FLRT3: variants seen among roughly 807,000 people sequenced by gnomAD.
The protein encoded by FLRT3 is fibronectin leucine rich transmembrane protein 3, also known as leucine-rich repeat transmembrane protein FLRT3.
Under a neutral mutation model 42.6 loss-of-function variants are expected in FLRT3, and 17 were observed. That is an observed-to-expected ratio of 0.40 (90% CI 0.27 to 0.60). The LOEUF is 0.60. Among genes scored for constraint, FLRT3 ranks in the 20% least tolerant of loss-of-function variants. FLRT3 has a pLI of 0.44. For synonymous variants in FLRT3, 279 were observed against 286.4 expected, an observed-to-expected ratio of 0.97 and a Z score of 0.26; for missense variants, 635 against 789.2, an observed-to-expected ratio of 0.80 and a Z score of 2.34.
rs1001761845 is a variant in FLRT3 at position 14,326,695 on chromosome 20, C to T, written c.812G>A (p.Arg271Lys). ...GGACATATCCAGTCGATAGAGCTGC[C>T]TTAGATAAGAAAAAGCATTTGGGGG... is the stretch of plus-strand genomic sequence containing the variant. ...RVPPNAFSYL[R>K]QLYRLDMSNN... Residue 271 changes from arginine (R) to lysine (K), a missense_variant, in exon 3 of 3, where the codon AGG (arginine) becomes AAG (lysine). Arg to Lys is a conservative substitution (Grantham distance 26). Coordinates refer to ENST00000341420, the MANE Select transcript of FLRT3 (RefSeq NM_198391.3). This position sits in a 1 kb window ranked among gnomAD's most constrained non-coding sequence, Gnocchi z 5.5. The T allele has an allele frequency of 2.5e-6, 4 of 1,613,586 alleles. No individual in the cohort carries two copies. The highest frequency in any genetic ancestry group is 3.4e-6 in the Non-Finnish European group (4 of 1,179,826).
chr20:14,336,835 T>C (rs972830107), intron 1 of FLRT3, among the ~76,000 whole-genome samples: 1 of 152,192 alleles, frequency 6.6e-6, no homozygotes. Flanking sequence ...CTGAAATGCT[T>C]GAAGCAGCTC....
Position 14,337,528 on chromosome 20 carries a change from C to T in FLRT3, c.-371G>A, listed in dbSNP as rs1391664699. On this transcript the variant is annotated 5_prime_UTR_variant, in exon 1 of 3. In the 5' UTR this introduces an upstream ATG that the reference lacks. Coordinates refer to ENST00000341420, the MANE Select transcript of FLRT3 (RefSeq NM_198391.3). ...CTGCGTCCAGTCCACACAAAGCCCA[C>T]GGCAGCTGCAGGCTGAGCTTGTCCT... is the stretch of plus-strand genomic sequence containing the variant. 14 of 398,488 alleles carry T rather than the reference C, an allele frequency of 3.5e-5. No individual in the cohort carries two copies. The highest frequency in any genetic ancestry group is 5.7e-5 in the Non-Finnish European group (13 of 226,110). The allele number at this position is 398,488 out of a possible 1,614,324, so 24.7% of individuals were successfully genotyped here.
intron 1 of FLRT3, 93 bp downstream of exon 1, chr20:14,337,311 G>A (rs538201384): frequency 1.0e-4 from 32 of 310,136 alleles, no homozygotes; most frequent in African/African-American, 6.0e-4. Context: ...TTCCTATTTG[G>A]ATTTCTCATA....
chr20:14,331,538 T>C (rs1361386458), intron 1 of FLRT3, among the ~76,000 whole-genome samples: 1 of 152,060 alleles, frequency 6.6e-6, no homozygotes, highest in Non-Finnish European at 1.5e-5. Flanking sequence ...GGCAAAAACA[T>C]AAAACAGGTT....
chr20:14,333,448 T>C (rs1397924914), intron 1 of FLRT3, among the ~76,000 whole-genome samples: 1 of 152,082 alleles, frequency 6.6e-6, no homozygotes, highest in Non-Finnish European at 1.5e-5. Context: ...CCAAAGTAAA[T>C]GAATTAGAGA....
rs1345083050 is a variant in FLRT3, at chr20:14,325,865, C to G, written c.1642G>C (p.Val548Leu). Residue 548 changes from valine to leucine, a missense_variant, in exon 3 of 3, where the codon GTG becomes CTG. Coordinates refer to ENST00000341420, the MANE Select transcript of FLRT3 (RefSeq NM_198391.3). ...CCATTCCTATGAACATACCAACACA[C>G]TAAAGCAAGAAGGGCAATGGTAACC... ...ALVTIALLAL[V>L]CWYVHRNGSL... 6.2e-7 allele frequency: 1 copy of G among 1,613,952 alleles called. No individual in the cohort carries two copies. The highest frequency in any genetic ancestry group is 8.5e-7 in the Non-Finnish European group (1 of 1,179,896).
chr20:14,331,128 G>A (rs1475294896), intron 1 of FLRT3, among the ~76,000 whole-genome samples: 1 of 152,018 alleles, frequency 6.6e-6, no homozygotes, highest in Admixed American at 6.6e-5. Context: ...CCGCTGATTG[G>A]GGATTTAAAA....
chr20:14,333,846 C>A (rs1349315569), intron 1 of FLRT3, among the ~76,000 whole-genome samples: 2 of 152,186 alleles, frequency 1.3e-5, no homozygotes, highest in Non-Finnish European at 2.9e-5. Context: ...AACACATAAA[C>A]TGATCAATCC....
In FLRT3 at chr20:14,325,607, G is replaced by T; in HGVS notation, c.1900C>A (p.Arg634=). 1.2e-6 allele frequency: 2 copies of T among 1,613,344 alleles called. No individual in the cohort carries two copies. The highest frequency in any genetic ancestry group is 2.2e-5 in the South Asian group (2 of 91,036). ...KNNHSESSSN[R]SYRDSGIPDS... is the part of the protein sequence containing the mutation. ...GGAATACCACTGTCTCTGTAGCTTC[G>T]GTTACTACTGCTTTCACTGTGATTG... Residue 634 remains arginine, a synonymous_variant, in exon 3 of 3, where the codon CGA becomes AGA. Transcript: ENST00000341420.
Position 14,325,235 on chromosome 20 carries a change from C to T in FLRT3, c.*322G>A, listed in dbSNP as rs2082714982. Reference sequence around the variant, plus strand: ...CAGCAAGAAAATTCACTTTCACAGTCAACAAGTCATCTTACTCAGTAGAAC... The same window carrying T: ...CAGCAAGAAAATTCACTTTCACAGTTAACAAGTCATCTTACTCAGTAGAAC... On this transcript the variant is annotated 3_prime_UTR_variant, in exon 3 of 3. Coordinates refer to ENST00000341420, the MANE Select transcript of FLRT3 (RefSeq NM_198391.3). The T allele has an allele frequency of 5.3e-6, 1 of 188,118 alleles. No individual in the cohort carries two copies. The highest frequency in any genetic ancestry group is 1.6e-4 in the South Asian group (1 of 6,440). 11.7% of individuals were successfully genotyped at this position (188,118 alleles called of 1,614,324 possible). A position where few individuals can be genotyped will look rare whatever the true frequency, so the allele number is the denominator to read the frequency against.
chr20:14,325,772 C>T lies in FLRT3; in HGVS notation c.1735G>A (p.Gly579Ser). The stretch of plus-strand genomic sequence containing the variant: ...AGGATAGAGTTGTCCTTCTTAGTGC[C>T]AGCTTCTGCATAGTCATCCTTTCTT... ...RRRKDDYAEA[G>S]TKKDNSILEI... The change falls in exon 3 of 3, where the codon GGC becomes AGC. Residue 579 changes from glycine to serine, a missense_variant. Gly to Ser is a moderately conservative substitution (Grantham distance 56). Transcript: ENST00000341420. 1 of 1,613,862 alleles carries T rather than the reference C, an allele frequency of 6.2e-7. No individual in the cohort carries two copies. Among genetic ancestry groups the T allele is most frequent in the Non-Finnish European group, 8.5e-7 (1 of 1,179,866 alleles).
intron 2 of FLRT3, among the ~76,000 whole-genome samples, chr20:14,327,967 G>A (rs2082765718): frequency 6.6e-6 from 1 of 151,740 alleles, no homozygotes; most frequent in African/African-American, 2.4e-5. Flanking sequence ...TATATTTAAA[G>A]GTAATCATTT....
intron 1 of FLRT3, among the ~76,000 whole-genome samples, chr20:14,331,804 T>A (rs1038378159): frequency 1.3e-5 from 2 of 152,090 alleles, no homozygotes; most frequent in African/African-American, 2.4e-5. Context: ...CTGAGCTGGA[T>A]CTACATATTT....
chr20:14,324,671 T>C lies in FLRT3; in HGVS notation c.*886A>G, dbSNP rs2082706127. 1 of 152,164 alleles carries C rather than the reference T, an allele frequency of 6.6e-6. No individual in the cohort carries two copies. The highest frequency in any genetic ancestry group is 2.4e-5 in the African/African-American group (1 of 41,456). 9.4% of individuals were successfully genotyped at this position (152,164 alleles called of 1,614,324 possible). On this transcript the variant is annotated 3_prime_UTR_variant, in exon 3 of 3. Coordinates refer to ENST00000341420, the MANE Select transcript of FLRT3 (RefSeq NM_198391.3). The stretch of plus-strand genomic sequence containing the variant: ...AACATCATAAACACTAACAATTTTG[T>C]GTTTATAATTCACTTTTCAAAAATC...
chr20:14,332,039 A>G (rs944572908), intron 1 of FLRT3, among the ~76,000 whole-genome samples: 1 of 152,264 alleles, frequency 6.6e-6, no homozygotes, highest in Non-Finnish European at 1.5e-5. Context: ...CTGGTAACTT[A>G]ATGGAATGTT....
chr20:14,326,458 G>T lies in FLRT3; in HGVS notation c.1049C>A (p.Ala350Glu). The T allele has an allele frequency of 6.2e-7, 1 of 1,613,844 alleles. No homozygotes were observed. The highest frequency in any genetic ancestry group is 8.5e-7 in the Non-Finnish European group (1 of 1,179,842). ...ACTGTCCTTACAATCAAACAGTTCT[G>T]CATTGAGATCCTTAATAGCCATCCC... ...VRGMAIKDLN[A>E]ELFDCKDSGI... The change falls in exon 3 of 3, where the codon GCA (alanine) becomes GAA (glutamate). Residue 350 changes from alanine to glutamate, a missense_variant. Physicochemically the swap from Ala to Glu is moderately radical, Grantham distance 107. Coordinates refer to ENST00000341420, the MANE Select transcript of FLRT3 (RefSeq NM_198391.3). This position sits in a 1 kb window ranked among gnomAD's most constrained non-coding sequence, Gnocchi z 5.5.
Position 14,329,294 on chromosome 20 carries a change from C to G in FLRT3, c.-213G>C, listed in dbSNP as rs1466234358. 1.3e-5 allele frequency: 2 copies of G among 152,052 alleles called. No individual in the cohort carries two copies. Among genetic ancestry groups the G allele is most frequent in the Non-Finnish European group, 2.9e-5 (2 of 67,988 alleles). The allele number at this position is 152,052 out of a possible 1,614,324, so 9.4% of individuals were successfully genotyped here. On this transcript the variant is annotated 5_prime_UTR_variant, in exon 2 of 3. Coordinates refer to ENST00000341420, the MANE Select transcript of FLRT3 (RefSeq NM_198391.3). ...GGCATACTAAATTTCCTTTATATTT[C>G]TCTTCCTTAAAATATACTGGGACTG... is the stretch of plus-strand genomic sequence containing the variant.
At chr20:14,333,476 G>A (rs1433712518) in intron 1 of FLRT3, among the ~76,000 whole-genome samples, 2 of 152,106 alleles carry the variant, frequency 1.3e-5, no homozygotes, top group South Asian at 2.1e-4. Context: ...TTGTAAGAAC[G>A]AGTAAGATAT....
chr20:14,333,579 G>A, intron 1 of FLRT3, among the ~76,000 whole-genome samples: 1 of 152,096 alleles, frequency 6.6e-6, no homozygotes, highest in East Asian at 1.9e-4. Context: ...TTAAAAGTTT[G>A]CCTACTTTTG....
Sources: gnomAD v4.1 joint callset for allele counts (sites outside exome capture counted in the v4.1 genomes callset) on GRCh38, gnomAD v4.1.1 for gene constraint, Gnocchi (gnomAD v3.1) non-coding constraint, MANE v1.5 for transcripts, NCBI Gene and HGNC (gene_info 2026-07-23, HGNC 2026-07-21) for gene names.